Variants in PXDN observed in about 807,000 individuals in gnomAD.
PXDN encodes the protein peroxidasin homolog.
A neutral mutation model predicts 140.3 loss-of-function variants in PXDN; 77 were observed. The observed-to-expected ratio is 0.55, with a 90% CI of 0.46 to 0.66. PXDN has a LOEUF of 0.66. Ranked by LOEUF, PXDN falls within the 30% of genes least tolerant of loss-of-function variation. The pLI is 0.00. For synonymous variants in PXDN, 911 were observed against 857.4 expected (o/e 1.06, Z -1.09); for missense variants, 1,838 against 2,039.5 (o/e 0.90, Z 1.90).
rs149439405 is a variant in PXDN, at chr2:1,727,767, C to T, written c.200+16489G>A. ...TCCCCAGCACCTGCCAGCAGGGCCTCCACGTGGCGTGTTCTTTCTGACTTC... is the reference window on the plus strand; with the variant it reads ...TCCCCAGCACCTGCCAGCAGGGCCTTCACGTGGCGTGTTCTTTCTGACTTC... On this transcript the variant is annotated intron_variant, in intron 1 of 22. Transcript: ENST00000252804. 3.0e-3 allele frequency among the ~76,000 whole-genome samples: 454 copies of T among 152,342 alleles called. 4 individuals carry two copies. Among genetic ancestry groups the T allele is most frequent in the South Asian group, 0.029 (142 of 4,824 alleles).
chr2:1,700,814 G>A (rs1385964701), intron 1 of PXDN, among the ~76,000 whole-genome samples: 1 of 152,178 alleles, frequency 6.6e-6, no homozygotes, highest in East Asian at 1.9e-4. Flanking sequence ...GGCAGAGGTT[G>A]CAGTGAGCTG....
At chr2:1,738,132 G>A (rs982656177) in intron 1 of PXDN, among the ~76,000 whole-genome samples, 1 of 151,834 alleles carries the variant, frequency 6.6e-6, no homozygotes, top group African/African-American at 2.4e-5. Context: ...GGTAAAGTTG[G>A]TCTTCTCTTA....
intron 19 of PXDN, among the ~76,000 whole-genome samples, chr2:1,642,288 TAGA>T (rs1682746693): frequency 6.6e-6 from 1 of 152,094 alleles, no homozygotes; most frequent in Admixed American, 6.5e-5. Context: ...CGCACTCTCT[TAGA>T]AGAAGCTGCT....
At chr2:1,673,121 GGAT>G (rs1683614976) in intron 9 of PXDN, among the ~76,000 whole-genome samples, 1 of 152,192 alleles carries the variant, frequency 6.6e-6, no homozygotes, top group Non-Finnish European at 1.5e-5. Flanking sequence ...GGGCCCAGAT[GGAT>G]GAGAGGCCAC....
In PXDN at chr2:1,637,353, G is replaced by A. The variant is rs185789015; in HGVS notation, c.4206+1493C>T. ...TCCACTTGGGCAGCTGCCGGGGGATGTGCACCTGGTCTCTAGGCTGCGGAG... is the reference window on the plus strand; with the variant it reads ...TCCACTTGGGCAGCTGCCGGGGGATATGCACCTGGTCTCTAGGCTGCGGAG... On this transcript the variant is annotated intron_variant, in intron 21 of 22. Coordinates refer to ENST00000252804, the MANE Select transcript of PXDN (RefSeq NM_012293.3). Among the ~76,000 whole-genome samples, 953 of 151,744 alleles carry A rather than the reference G, an allele frequency of 6.3e-3. 130 individuals are homozygous for A. The highest frequency in any genetic ancestry group is 0.048 in the Middle Eastern group (14 of 294).
At chr2:1,664,819 A>G (rs1383334897) in intron 11 of PXDN, 139 bp downstream of exon 11, 2 of 730,274 alleles carry the variant, frequency 2.7e-6, no homozygotes, top group African/African-American at 3.5e-5. Flanking sequence ...TGCGCTTCCC[A>G]GTGCCTTGGT....
At chr2:1,638,595 T>TC (rs939233727) in intron 21 of PXDN, among the ~76,000 whole-genome samples, 1 of 152,114 alleles carries the variant, frequency 6.6e-6, no homozygotes, top group Non-Finnish European at 1.5e-5. Context: ...TGGCTGGCAG[T>TC]CACACGGCCG....
chr2:1,699,543 T>C (rs543270187), intron 1 of PXDN, among the ~76,000 whole-genome samples: 16 of 152,134 alleles, frequency 1.1e-4, no homozygotes, highest in Non-Finnish European at 2.2e-4. Flanking sequence ...ACCCCGTTTC[T>C]ATTAAAAATA....
At chr2:1,665,570 C>T (rs982214722) in intron 10 of PXDN, among the ~76,000 whole-genome samples, 1 of 152,192 alleles carries the variant, frequency 6.6e-6, no homozygotes, top group Non-Finnish European at 1.5e-5. Flanking sequence ...ATCCATGTAA[C>T]GCAGTTGCAC....
At position 1,649,194 on chromosome 2, in the gene PXDN, G is replaced by A. The variant is rs1189597990; in HGVS notation, c.2586C>T (p.Ile862=). 5.9e-6 allele frequency: 9 copies of A among 1,523,646 alleles called. No individual in the cohort carries two copies. The highest frequency in any genetic ancestry group is 8.0e-6 in the Non-Finnish European group (9 of 1,126,194). 94.4% of individuals were successfully genotyped at this position (1,523,646 alleles called of 1,614,324 possible). A position where few individuals can be genotyped will look rare whatever the true frequency, so the allele number is the denominator to read the frequency against. The change falls in exon 17 of 23, where the codon ATC becomes ATT. Residue 862 remains isoleucine, a synonymous_variant. Transcript: ENST00000252804. The surrounding 1 kb of genome is among the most constrained non-coding windows in gnomAD (Gnocchi z 7.1). ...SNDPPCFSVM[I]PPNDSRARSG... is the part of the protein sequence containing the mutation. Reference sequence around the variant, plus strand: ...TCCTGGCCCGGGAGTCATTGGGGGGGATCATGACAGAGAAGCAGGGGGGGT... The same window carrying A: ...TCCTGGCCCGGGAGTCATTGGGGGGAATCATGACAGAGAAGCAGGGGGGGT...
At chr2:1,676,562 A>G in intron 8 of PXDN, 1 of 283,504 alleles carries the variant, frequency 3.5e-6, no homozygotes, top group South Asian at 4.8e-5. Context: ...CCCCAGGTCA[A>G]GGCTGCCAAC....
Position 1,673,668 on chromosome 2 carries a change from C to T in PXDN, c.993G>A (p.Val331=). 6.2e-7 allele frequency: 1 copy of T among 1,613,274 alleles called. No individual in the cohort carries two copies. Reference sequence around the variant, plus strand: ...CTGGAGACCCGAAGTACCTGAGGGTCACCTCTTGCGTCTTCACCTCTCCGG... The same window carrying T: ...CTGGAGACCCGAAGTACCTGAGGGTTACCTCTTGCGTCTTCACCTCTCCGG... The part of the protein sequence containing the change: ...NVAGEVKTQE[V]TLRYFGSPAR... Residue 331 remains valine (V), a synonymous_variant, in exon 9 of 23, where the codon GTG becomes GTA. Coordinates refer to ENST00000252804, the MANE Select transcript of PXDN (RefSeq NM_012293.3).
intron 17 of PXDN, among the ~76,000 whole-genome samples, chr2:1,645,088 C>T (rs1446985697): frequency 1.3e-5 from 2 of 152,142 alleles, no homozygotes; most frequent in Admixed American, 6.5e-5. Context: ...TATACCCTTC[C>T]AATCTTTTTA....
intron 9 of PXDN, among the ~76,000 whole-genome samples, chr2:1,670,666 G>A (rs982793729): frequency 1.3e-5 from 2 of 152,034 alleles, no homozygotes; most frequent in Non-Finnish European, 2.9e-5. Flanking sequence ...AGTCAAAGTC[G>A]GCCTTGAGGG....
chr2:1,716,194 T>C (rs1486079980), intron 1 of PXDN, among the ~76,000 whole-genome samples: 1 of 151,776 alleles, frequency 6.6e-6, no homozygotes, highest in Non-Finnish European at 1.5e-5. Context: ...TCCCAGCACT[T>C]TGGCAGGCTG....
intron 1 of PXDN, among the ~76,000 whole-genome samples, chr2:1,719,993 A>G (rs1684988473): frequency 1.4e-5 from 1 of 69,532 alleles, no homozygotes; most frequent in Non-Finnish European, 2.7e-5. Flanking sequence ...GGATGCAGAG[A>G]GAGAGGGAGG....
At position 1,674,770 on chromosome 2, in the gene PXDN, TAC is replaced by T. The variant is rs373932318; in HGVS notation, c.849-960_849-959del. Among the ~76,000 whole-genome samples the T allele has an allele frequency of 5.4e-3, 824 of 152,234 alleles. 4 individuals carry two copies. Among genetic ancestry groups the T allele is most frequent in the Non-Finnish European group, 8.7e-3 (595 of 68,016 alleles). On this transcript the variant is annotated intron_variant, in intron 8 of 22. Coordinates refer to ENST00000252804, the MANE Select transcript of PXDN (RefSeq NM_012293.3). ...AGCCCTCTGAGAATGCAGACGGGCC[TAC>T]AGAGAACTCCTACTTGCAGATCACC... is the stretch of plus-strand genomic sequence containing the variant.
chr2:1,708,488 A>C (rs960084337), intron 1 of PXDN, among the ~76,000 whole-genome samples: 2 of 152,102 alleles, frequency 1.3e-5, no homozygotes, highest in Non-Finnish European at 2.9e-5. Flanking sequence ...AGAATGACAA[A>C]AGTCATAAGA....
Position 1,738,671 on chromosome 2 carries a change from C to T in PXDN, c.200+5585G>A, listed in dbSNP as rs150929429. On this transcript the variant is annotated intron_variant, in intron 1 of 22. Transcript: ENST00000252804. Reference sequence around the variant, plus strand: ...TCAAGCGATTCTCATGCCTCAGCCTCCCGAGTAGCTGTGACCACAGGTGTG... The same window carrying T: ...TCAAGCGATTCTCATGCCTCAGCCTTCCGAGTAGCTGTGACCACAGGTGTG... Among the ~76,000 whole-genome samples the T allele has an allele frequency of 5.7e-3, 870 of 152,148 alleles. 11 individuals carry two copies. The highest frequency in any genetic ancestry group is 0.02 in the African/African-American group (847 of 41,526).
Sources: allele counts gnomAD v4.1 joint callset (sites outside exome capture counted in the v4.1 genomes callset), GRCh38; gene constraint gnomAD v4.1.1; non-coding constraint Gnocchi (gnomAD v3.1); transcripts MANE v1.5; gene names NCBI Gene and HGNC (gene_info 2026-07-23, HGNC 2026-07-21).